The following DYM variants were observed in gnomAD, a reference collection of about 807,000 sequenced individuals.
The protein encoded by DYM is dyggve-Melchior-Clausen syndrome protein.
DYM carries 78 observed loss-of-function variants against 93.1 expected under a neutral mutation model. That is an observed-to-expected ratio of 0.84 (90% confidence interval 0.70 to 1.01). The LOEUF (loss-of-function observed/expected upper bound fraction) is 1.01, where lower values mean the gene tolerates loss of function less well. Ranked by LOEUF, DYM falls within the 50% of genes least tolerant of loss-of-function variation. DYM has a pLI of 0.00. For synonymous variants in DYM, 321 were observed against 319.7 expected (o/e 1.00, Z -0.04); for missense variants, 789 against 845.0 (o/e 0.93, Z 0.82).
chr18:49,283,491 A>C (rs939978239), intron 9 of DYM, among the ~76,000 whole-genome samples: 3 of 152,136 alleles, frequency 2.0e-5, no homozygotes, highest in Admixed American at 6.6e-5. Flanking sequence ...TGTATTAGGA[A>C]AAGTTCTTGA....
chr18:49,129,051 GGAA>G (rs1425417574), intron 15 of DYM, among the ~76,000 whole-genome samples: 1 of 151,628 alleles, frequency 6.6e-6, no homozygotes, highest in Non-Finnish European at 1.5e-5. Flanking sequence ...TTCTTTCTTG[GGAA>G]GAAGAGTCAG....
intron 6 of DYM, among the ~76,000 whole-genome samples, chr18:49,334,626 A>G (rs550113660): frequency 6.6e-6 from 1 of 152,324 alleles, no homozygotes; most frequent in South Asian, 2.1e-4. Flanking sequence ...AACGCAGTAA[A>G]AAGAGCAATA....
At position 49,134,561 on chromosome 18, in the gene DYM, T is replaced by C. The variant is rs576046474; in HGVS notation, c.1729-15635A>G. ...TTATTTCTACATGGAAATAAGTGAATCTACCTCACAGTTTAACAAAATTTG... is the reference window on the plus strand; with the variant it reads ...TTATTTCTACATGGAAATAAGTGAACCTACCTCACAGTTTAACAAAATTTG... On this transcript the variant is annotated intron_variant, in intron 15 of 17. Transcript: ENST00000675505. 1.6e-4 allele frequency among the ~76,000 whole-genome samples: 25 copies of C among 152,320 alleles called. No individual in the cohort carries two copies. The South Asian group carries it at 4.4e-3, about 27-fold the overall frequency.
intron 13 of DYM, among the ~76,000 whole-genome samples, chr18:49,227,913 C>T (rs934429639): frequency 1.3e-5 from 2 of 152,144 alleles, no homozygotes; most frequent in Non-Finnish European, 2.9e-5. Context: ...CTGGAAAACT[C>T]CTACTCTTCA....
At chr18:49,414,409 A>C (rs1361180937) in intron 2 of DYM, among the ~76,000 whole-genome samples, 1 of 152,232 alleles carries the variant, frequency 6.6e-6, no homozygotes, top group Non-Finnish European at 1.5e-5. Flanking sequence ...ACATGAATAA[A>C]ATCTTTCCAT....
chr18:49,049,699 A>G (rs2072135515), intron 17 of DYM: 1 of 154,372 alleles, frequency 6.5e-6, no homozygotes, highest in Non-Finnish European at 1.5e-5. Context: ...AATCAAACCT[A>G]AAGACTAGAC....
intron 8 of DYM, among the ~76,000 whole-genome samples, chr18:49,323,082 G>A (rs1236064291): frequency 6.6e-6 from 1 of 152,160 alleles, no homozygotes; most frequent in African/African-American, 2.4e-5. Context: ...GTAAGTGGTG[G>A]CCCTCAAAAT....
At chr18:49,388,764 T>C (rs1248666920) in intron 3 of DYM, among the ~76,000 whole-genome samples, 1 of 152,032 alleles carries the variant, frequency 6.6e-6, no homozygotes, top group African/African-American at 2.4e-5. Flanking sequence ...TAAGGTTGAC[T>C]GCTTTCTTCA....
intron 6 of DYM, among the ~76,000 whole-genome samples, chr18:49,355,511 T>A (rs565252838): frequency 6.6e-6 from 1 of 151,918 alleles, no homozygotes; most frequent in Non-Finnish European, 1.5e-5. Context: ...CATTTCATCA[T>A]GCATTTGTCT....
At chr18:49,149,943 G>A (rs375493118) in intron 15 of DYM, among the ~76,000 whole-genome samples, 4 of 152,120 alleles carry the variant, frequency 2.6e-5, no homozygotes, top group African/African-American at 7.2e-5. Context: ...TCTTGACTTC[G>A]TGATCTGCCT....
chr18:49,169,973 G>A (rs538905156), intron 14 of DYM, among the ~76,000 whole-genome samples: 2 of 152,278 alleles, frequency 1.3e-5, no homozygotes, highest in South Asian at 4.1e-4. Flanking sequence ...AGGGAATCAG[G>A]GCTGACTGAG....
intron 17 of DYM, among the ~76,000 whole-genome samples, chr18:49,075,785 C>T (rs1416818169): frequency 6.6e-6 from 1 of 152,206 alleles, no homozygotes; most frequent in African/African-American, 2.4e-5. Context: ...GATCAAAAGA[C>T]TGTTTACTCT....
intron 17 of DYM, among the ~76,000 whole-genome samples, chr18:49,080,305 T>G (rs2077771805): frequency 8.0e-6 from 1 of 124,482 alleles, no homozygotes; most frequent in African/African-American, 3.1e-5. Flanking sequence ...GCCCCTCACC[T>G]CCCGGACGGG....
At chr18:49,428,868 T>C (rs920872977) in intron 2 of DYM, among the ~76,000 whole-genome samples, 3 of 152,188 alleles carry the variant, frequency 2.0e-5, no homozygotes, top group Admixed American at 2.0e-4. Context: ...TTACATGATA[T>C]ATGAAACATA....
At chr18:49,330,456 T>C (rs891193589) in intron 8 of DYM, among the ~76,000 whole-genome samples, 19 of 152,130 alleles carry the variant, frequency 1.2e-4, no homozygotes, top group African/African-American at 4.6e-4. Context: ...TAAATTCATG[T>C]TTTTTGGCAC....
intron 11 of DYM, among the ~76,000 whole-genome samples, chr18:49,271,869 T>A (rs2094707464): frequency 6.6e-6 from 1 of 152,078 alleles, no homozygotes; most frequent in Non-Finnish European, 1.5e-5. Context: ...GCAAACCTGT[T>A]TGACAATTTC....
chr18:49,357,165 C>T (rs1017871455), intron 6 of DYM, among the ~76,000 whole-genome samples: 11 of 152,214 alleles, frequency 7.2e-5, no homozygotes, highest in African/African-American at 2.7e-4. Context: ...ATCTGTTCAA[C>T]TCCAAATGAC....
intron 14 of DYM, chr18:49,206,011 G>GT (rs61590334): frequency 7.7e-6 from 1 of 129,464 alleles, no homozygotes; most frequent in African/African-American, 2.8e-5. Flanking sequence ...TTGTTTTTTT[G>GT]TTTTTTGCGG....
intron 14 of DYM, among the ~76,000 whole-genome samples, chr18:49,191,640 A>C (rs2090985324): frequency 6.6e-6 from 1 of 152,236 alleles, no homozygotes; most frequent in South Asian, 2.1e-4. Flanking sequence ...TACAGTTTAC[A>C]CATCAATTTT....
Sources: allele counts gnomAD v4.1 joint callset (sites outside exome capture counted in the v4.1 genomes callset), GRCh38; gene constraint gnomAD v4.1.1; transcripts MANE v1.5; gene names NCBI Gene and HGNC (gene_info 2026-07-23, HGNC 2026-07-21).